PDGFC: variants seen among roughly 807,000 people sequenced by gnomAD.
PDGFC encodes the protein platelet-derived growth factor C.
A neutral mutation model predicts 35.5 loss-of-function variants in PDGFC; 12 were observed. That is an observed-to-expected ratio of 0.34 (90% CI 0.22 to 0.55). The LOEUF (loss-of-function observed/expected upper bound fraction) is 0.55. Among genes scored for constraint, PDGFC ranks in the 20% least tolerant of loss-of-function variants. The probability of loss-of-function intolerance (pLI) is 0.91; values close to 1 mark genes in which losing one functional copy is unlikely to be tolerated. For synonymous variants in PDGFC, 159 were observed against 148.8 expected (o/e 1.07, Z -0.50); for missense variants, 322 against 412.4 (o/e 0.78, Z 1.90).
intron 2 of PDGFC, chr4:156,842,367 A>C (rs570206117): frequency 1.1e-4 from 17 of 149,702 alleles, no homozygotes; most frequent in African/African-American, 4.3e-4. Context: ...TTAATCCATC[A>C]AGCAGAAAAA....
chr4:156,968,840 T>C (rs1732524102), intron 1 of PDGFC, among the ~76,000 whole-genome samples: 1 of 152,148 alleles, frequency 6.6e-6, no homozygotes, highest in Non-Finnish European at 1.5e-5. Context: ...TTTAGCATCA[T>C]GCATCTTAGG....
intron 1 of PDGFC, among the ~76,000 whole-genome samples, chr4:156,936,041 C>A (rs6851803): frequency 6.6e-6 from 1 of 152,024 alleles, no homozygotes; most frequent in Admixed American, 6.6e-5. Context: ...TTTCCTCTTC[C>A]TGTTATGGTC....
chr4:156,790,348 T>C (rs2110878710), intron 3 of PDGFC, among the ~76,000 whole-genome samples: 1 of 152,356 alleles, frequency 6.6e-6, no homozygotes, highest in East Asian at 1.9e-4. Context: ...AGAAAGATTT[T>C]TGTTTAATAC....
At chr4:156,953,749 C>T (rs1392239284) in intron 1 of PDGFC, among the ~76,000 whole-genome samples, 2 of 151,988 alleles carry the variant, frequency 1.3e-5, no homozygotes, top group Admixed American at 6.6e-5. Flanking sequence ...GAGCATAAGA[C>T]GTAAGATACG....
intron 3 of PDGFC, among the ~76,000 whole-genome samples, chr4:156,776,661 G>A (rs1007467626): frequency 2.0e-5 from 3 of 152,180 alleles, no homozygotes; most frequent in Non-Finnish European, 4.4e-5. Context: ...ACATTTCTAA[G>A]ATGTCAGCTC....
chr4:156,791,036 T>A (rs1015658335), intron 3 of PDGFC, among the ~76,000 whole-genome samples: 2 of 152,140 alleles, frequency 1.3e-5, no homozygotes, highest in East Asian at 3.9e-4. Context: ...ATATGGAGCT[T>A]AGGGCTGCGG....
chr4:156,834,311 A>G (rs1729012241), intron 2 of PDGFC, among the ~76,000 whole-genome samples: 1 of 152,154 alleles, frequency 6.6e-6, no homozygotes, highest in Non-Finnish European at 1.5e-5. Flanking sequence ...CAGTAGGTAA[A>G]CTGCTGCAAT....
intron 3 of PDGFC, among the ~76,000 whole-genome samples, chr4:156,787,992 G>T (rs1030005753): frequency 1.3e-5 from 2 of 152,138 alleles, no homozygotes; most frequent in African/African-American, 4.8e-5. Context: ...GATGCCGAAT[G>T]TCTGGACAGT....
intron 5 of PDGFC, 60 bp downstream of exon 5, chr4:156,767,713 C>T: frequency 2.9e-6 from 3 of 1,020,700 alleles, no homozygotes; most frequent in South Asian, 1.3e-5. Context: ...TTCAGATTCA[C>T]TGTTTTGTTC....
At chr4:156,790,477 G>A (rs549660790) in intron 3 of PDGFC, among the ~76,000 whole-genome samples, 58 of 152,304 alleles carry the variant, frequency 3.8e-4, no homozygotes, top group Admixed American at 2.3e-3. Context: ...GGGAGGAAAG[G>A]AGATTGTGAA....
At chr4:156,925,723 C>A (rs1731393687) in intron 1 of PDGFC, among the ~76,000 whole-genome samples, 2 of 148,642 alleles carry the variant, frequency 1.3e-5, no homozygotes, top group African/African-American at 2.5e-5. Flanking sequence ...GCTGTAGTGT[C>A]CTAGAGGCAG....
At chr4:156,800,329 A>T (rs1483860378) in intron 3 of PDGFC, among the ~76,000 whole-genome samples, 1 of 152,184 alleles carries the variant, frequency 6.6e-6, no homozygotes, top group East Asian at 1.9e-4. Flanking sequence ...GAAATATATA[A>T]CACTAATCAT....
chr4:156,859,707 T>C (rs1242758670), intron 1 of PDGFC, among the ~76,000 whole-genome samples: 1 of 152,110 alleles, frequency 6.6e-6, no homozygotes, highest in Non-Finnish European at 1.5e-5. Flanking sequence ...ACGAAAAATA[T>C]AAACATTAGG....
At chr4:156,945,745 T>C (rs1435193320) in intron 1 of PDGFC, among the ~76,000 whole-genome samples, 1 of 151,980 alleles carries the variant, frequency 6.6e-6, no homozygotes, top group Non-Finnish European at 1.5e-5. Flanking sequence ...TTGGGAATTT[T>C]AATGACCAAA....
At chr4:156,918,717 C>G (rs1280628190) in intron 1 of PDGFC, among the ~76,000 whole-genome samples, 8 of 152,156 alleles carry the variant, frequency 5.3e-5, no homozygotes, top group Admixed American at 2.6e-4. Context: ...TTCTCCCCAC[C>G]CCTGGTCTGA....
chr4:156,809,181 A>T (rs1731856333), intron 3 of PDGFC, among the ~76,000 whole-genome samples: 1 of 152,058 alleles, frequency 6.6e-6, no homozygotes, highest in African/African-American at 2.4e-5. Flanking sequence ...AGTTGACAAT[A>T]GCCCATTGAA....
chr4:156,824,463 T>C (rs539538927), intron 2 of PDGFC, among the ~76,000 whole-genome samples: 2 of 151,706 alleles, frequency 1.3e-5, no homozygotes, highest in African/African-American at 2.4e-5. Context: ...CCCTTCACTG[T>C]AGTAGAAGAC....
At chr4:156,857,864 A>G (rs1477032719) in intron 1 of PDGFC, among the ~76,000 whole-genome samples, 5 of 152,080 alleles carry the variant, frequency 3.3e-5, no homozygotes. Flanking sequence ...GCCTAATGAA[A>G]AAGTTGATGC....
chr4:156,857,959 G>A lies in PDGFC; in HGVS notation c.119-7543C>T, dbSNP rs970415855. 1.3e-5 allele frequency among the ~76,000 whole-genome samples: 2 copies of A among 151,984 alleles called. 1 individual carries two copies. ...ACACAATAAAATCACTGCAACTCTAGGTTTCTCAGTGTTGTGAATAAATAA... is the reference window on the plus strand; with the variant it reads ...ACACAATAAAATCACTGCAACTCTAAGTTTCTCAGTGTTGTGAATAAATAA... On this transcript the variant is annotated intron_variant, in intron 1 of 5. Coordinates refer to ENST00000502773, the MANE Select transcript of PDGFC (RefSeq NM_016205.3).
Sources: gnomAD v4.1 joint callset for allele counts (sites outside exome capture counted in the v4.1 genomes callset) on GRCh38, gnomAD v4.1.1 for gene constraint, MANE v1.5 for transcripts, NCBI Gene and HGNC (gene_info 2026-07-23, HGNC 2026-07-21) for gene names.